Variants in PPP1R12A observed in about 807,000 individuals in gnomAD.
PPP1R12A encodes myosin binding subunit.
In PPP1R12A, 19 loss-of-function variants were observed where a neutral mutation model predicts 139.6. The observed-to-expected ratio is 0.14, with a 90% CI of 0.09 to 0.20. The LOEUF is 0.20. Ranked by LOEUF, PPP1R12A falls within the 10% of genes least tolerant of loss-of-function variation. The probability of loss-of-function intolerance (pLI) is 1.00; values close to 1 mark genes in which losing one functional copy is unlikely to be tolerated. For synonymous variants in PPP1R12A, 427 were observed against 420.6 expected, an observed-to-expected ratio of 1.02 and a Z score of -0.19; for missense variants, 925 against 1,211.5, an observed-to-expected ratio of 0.76 and a Z score of 3.51.
At chr12:79,814,429 A>G (rs1292916466) in intron 9 of PPP1R12A, among the ~76,000 whole-genome samples, 2 of 138,410 alleles carry the variant, frequency 1.4e-5, no homozygotes, top group Non-Finnish European at 3.0e-5. Context: ...GTGAGCCGAG[A>G]TCGTGCTACT....
intron 1 of PPP1R12A, among the ~76,000 whole-genome samples, chr12:79,891,905 G>GA (rs1442828036): frequency 6.6e-6 from 1 of 152,148 alleles, no homozygotes; most frequent in African/African-American, 2.4e-5. Context: ...CAAGCCTTCA[G>GA]ATGAGATGGC....
intron 19 of PPP1R12A, among the ~76,000 whole-genome samples, chr12:79,793,343 A>G (rs1872125507): frequency 1.3e-5 from 2 of 152,170 alleles, no homozygotes; most frequent in Non-Finnish European, 2.9e-5. Flanking sequence ...TCAACATAAA[A>G]ATCTGTTGGA....
At position 79,828,455 on chromosome 12, in the gene PPP1R12A, T is replaced by C. The variant is rs1332020216; in HGVS notation, c.657A>G (p.Ile219Met). The C allele has an allele frequency of 1.9e-6, 3 of 1,597,390 alleles. No individual in the cohort carries two copies. The highest frequency in any genetic ancestry group is 1.3e-5 in the African/African-American group (1 of 74,494). Residue 219 changes from isoleucine to methionine, a missense_variant, in exon 5 of 25, where the codon ATA (isoleucine) becomes ATG (methionine). Transcript: ENST00000450142. ...TAATATTAACATCATAGCCTGCCTG[T>C]ATTAAAAGTCTAAAGAAATTACAGT... ...KGYTEVLKLL[I>M]QAGYDVNIKD...
intron 9 of PPP1R12A, among the ~76,000 whole-genome samples, chr12:79,812,770 T>C (rs1874770612): frequency 6.6e-6 from 1 of 152,084 alleles, no homozygotes. Context: ...TTCCAAACCA[T>C]CTCTTCTTCA....
rs755073086 is a variant in PPP1R12A, at chr12:79,776,026, A to C, written c.3007-11T>G. ...TAGGTCTGGTAACATCTATAAAGAG[A>C]AAAATTGAAGATCAAGTTTTACCTT... On this transcript the variant is annotated splice_polypyrimidine_tract_variant and intron_variant, in intron 24 of 24. Transcript: ENST00000450142. 1.3e-6 allele frequency: 2 copies of C among 1,528,156 alleles called. No homozygotes were observed. Among genetic ancestry groups the C allele is most frequent in the African/African-American group, 2.8e-5 (2 of 72,082 alleles). The allele number at this position is 1,528,156 out of a possible 1,614,324, so 94.7% of individuals were successfully genotyped here.
chr12:79,917,600 CACT>C (rs1887105169), intron 1 of PPP1R12A, among the ~76,000 whole-genome samples: 1 of 151,528 alleles, frequency 6.6e-6, no homozygotes, highest in African/African-American at 2.4e-5. Context: ...CCTTTCTGTA[CACT>C]ACTACTTTCC....
chr12:79,846,755 A>T (rs1879461087), intron 2 of PPP1R12A, among the ~76,000 whole-genome samples: 1 of 151,890 alleles, frequency 6.6e-6, no homozygotes, highest in African/African-American at 2.4e-5. Context: ...TAACTTAAAA[A>T]ATTTTTCGAT....
intron 1 of PPP1R12A, among the ~76,000 whole-genome samples, chr12:79,895,893 G>T (rs147500187): frequency 6.6e-6 from 1 of 152,166 alleles, no homozygotes; most frequent in Non-Finnish European, 1.5e-5. Flanking sequence ...AGCAAATGCT[G>T]TATTTTGTAG....
At chr12:79,873,168 T>A (rs1471241613) in intron 1 of PPP1R12A, among the ~76,000 whole-genome samples, 1 of 152,170 alleles carries the variant, frequency 6.6e-6, no homozygotes, top group South Asian at 2.1e-4. Flanking sequence ...AGACTCTTTA[T>A]GGCAACCCAA....
intron 9 of PPP1R12A, among the ~76,000 whole-genome samples, chr12:79,812,391 C>CGTGCGTGTGT (rs1555202885): frequency 2.2e-5 from 3 of 134,610 alleles, no homozygotes; most frequent in Admixed American, 7.6e-5. Flanking sequence ...TCTGTGTGTG[C>CGTGCGTGTGT]GTGTGTGTGT....
chr12:79,839,621 C>T (rs1225967937), intron 3 of PPP1R12A, among the ~76,000 whole-genome samples: 2 of 152,102 alleles, frequency 1.3e-5, no homozygotes, highest in African/African-American at 4.8e-5. Context: ...TGAGTGAGTT[C>T]CCACGAGATC....
upstream of PPP1R12A, chr12:79,935,138 C>T (rs1018801814): frequency 1.1e-4 from 145 of 1,346,448 alleles, no homozygotes; most frequent in Non-Finnish European, 1.3e-4. Flanking sequence ...CTTCCTACCA[C>T]AGAAGCCCTC....
intron 1 of PPP1R12A, among the ~76,000 whole-genome samples, chr12:79,874,481 T>C (rs1365791112): frequency 6.6e-6 from 1 of 152,142 alleles, no homozygotes; most frequent in Non-Finnish European, 1.5e-5. Context: ...AATGAATTAG[T>C]TATTTTAATT....
At chr12:79,818,500 C>T (rs1271310365) in intron 8 of PPP1R12A, among the ~76,000 whole-genome samples, 1 of 152,116 alleles carries the variant, frequency 6.6e-6, no homozygotes, top group East Asian at 1.9e-4. Flanking sequence ...GACTTGGACT[C>T]CCAAACTACT....
At chr12:79,805,529 A>C in intron 14 of PPP1R12A, 63 bp downstream of exon 14, 1 of 1,498,412 alleles carries the variant, frequency 6.7e-7, no homozygotes, top group Non-Finnish European at 9.0e-7. Context: ...CTTTTTTAAA[A>C]CAAAAAACAA....
intron 2 of PPP1R12A, among the ~76,000 whole-genome samples, chr12:79,862,227 G>T (rs1430124729): frequency 6.6e-6 from 1 of 152,178 alleles, no homozygotes; most frequent in South Asian, 2.1e-4. Flanking sequence ...CATCTGAGGG[G>T]CCTGTTAGAA....
intron 1 of PPP1R12A, among the ~76,000 whole-genome samples, chr12:79,919,916 C>A (rs1376650195): frequency 6.6e-6 from 1 of 152,160 alleles, no homozygotes. Context: ...CATAAAATAA[C>A]CCATTTAAAG....
At chr12:79,819,790 T>G (rs1875861880) in intron 8 of PPP1R12A, among the ~76,000 whole-genome samples, 1 of 151,848 alleles carries the variant, frequency 6.6e-6, no homozygotes, top group Admixed American at 6.6e-5. Flanking sequence ...AAAATAAAAT[T>G]AGATGTGCAT....
At chr12:79,842,614 T>C (rs904409995) in intron 3 of PPP1R12A, among the ~76,000 whole-genome samples, 3 of 149,734 alleles carry the variant, frequency 2.0e-5, no homozygotes, top group African/African-American at 7.5e-5. Context: ...TGTGTGTGTG[T>C]GAGTCCTGCC....
Sources: allele counts gnomAD v4.1 joint callset (sites outside exome capture counted in the v4.1 genomes callset), GRCh38; gene constraint gnomAD v4.1.1; transcripts MANE v1.5; gene names NCBI Gene and HGNC (gene_info 2026-07-23, HGNC 2026-07-21).